Variants in ATIC observed in about 807,000 individuals in gnomAD.
ATIC encodes the protein 5-aminoimidazole-4-carboxamide ribonucleotide formyltransferase/IMP cyclohydrolase.
ATIC carries 64 observed loss-of-function variants against 72.5 expected under a neutral mutation model. That is an observed-to-expected ratio of 0.88 (90% CI 0.72 to 1.09). The LOEUF (loss-of-function observed/expected upper bound fraction) is 1.09, where lower values mean the gene tolerates loss of function less well. Ranked by LOEUF, ATIC falls within the 50% of genes least tolerant of loss-of-function variation. ATIC has a pLI of 0.00. For missense variants in ATIC, 787 were observed against 732.4 expected (o/e 1.07, Z -0.86); for synonymous variants, 281 against 267.1 (o/e 1.05, Z -0.51).
At chr2:215,351,717 C>G (rs1264246633), downstream of ATIC, among the ~76,000 whole-genome samples, 1 of 152,188 alleles carries the variant, frequency 6.6e-6, no homozygotes, top group Non-Finnish European at 1.5e-5. Context: ...TACATCAATA[C>G]TCTACTGAGG....
chr2:215,349,896 GC>G, downstream of ATIC: 1 of 622,800 alleles, frequency 1.6e-6, no homozygotes, highest in Non-Finnish European at 2.7e-6. Context: ...CCACAGCACT[GC>G]CCGTGTGAAA....
At chr2:215,348,051 A>G (rs2053090609) in intron 14 of ATIC, among the ~76,000 whole-genome samples, 2 of 152,138 alleles carry the variant, frequency 1.3e-5, no homozygotes, top group Admixed American at 1.3e-4. Flanking sequence ...CAGAAGGGGC[A>G]TACTTCCCCT....
chr2:215,312,623 A>G lies in ATIC; in HGVS notation c.145A>G (p.Arg49Gly), dbSNP rs1471758331. 6.2e-7 allele frequency: 1 copy of G among 1,614,106 alleles called. No homozygotes were observed. Among genetic ancestry groups the G allele is most frequent in the Admixed American group, 1.7e-5 (1 of 60,006 alleles). ...KALRDAGLAV[R>G]DVSELTGFPE... ...TCTCAGGGATGCTGGTCTGGCAGTC[A>G]GGTAAGGCATAGCTAGTTCCATCAG... The change falls in exon 2 of 16, where the codon AGA (arginine) becomes GGA (glycine). Residue 49 changes from arginine (R) to glycine (G), a missense_variant and splice_region_variant. Physicochemically the swap from Arg to Gly is moderately radical, Grantham distance 125. Transcript: ENST00000236959.
At position 215,318,326 on chromosome 2, in the gene ATIC, C is replaced by T. The variant is rs1019744371; in HGVS notation, c.223+93C>T. On this transcript the variant is annotated intron_variant, in intron 3 of 15. Coordinates refer to ENST00000236959, the MANE Select transcript of ATIC (RefSeq NM_004044.7). ...CCTAAAATAAAGGAAGAAAAAGGCT[C>T]AAGAGAAATTTACATATAAAGTTAA... 140 of 1,209,638 alleles carry T rather than the reference C, an allele frequency of 1.2e-4. 1 individual carries two copies. The Middle Eastern group carries it at 2.1e-3, about 18-fold the overall frequency. 74.9% of individuals were successfully genotyped at this position (1,209,638 alleles called of 1,614,324 possible).
chr2:215,313,553 G>T (rs1559264556), intron 2 of ATIC, among the ~76,000 whole-genome samples: 1 of 152,136 alleles, frequency 6.6e-6, no homozygotes, highest in African/African-American at 2.4e-5. Flanking sequence ...GTGAGAGTTG[G>T]GAGGAACGAG....
At chr2:215,365,055 G>A in the ATIC span, 2 of 1,004,318 alleles carry the variant, frequency 2.0e-6, no homozygotes, top group Non-Finnish European at 3.0e-6. Flanking sequence ...CTAGGGGTGG[G>A]TTCTATTTCT....
Position 215,312,606 on chromosome 2 carries a change from A to G in ATIC, c.128A>G (p.Asp43Gly), listed in dbSNP as rs766333390. ...ASGGTAKALR[D>G]AGLAVRDVSE... is the part of the protein sequence containing the mutation. ...GGAGGGACTGCAAAAGCTCTCAGGG[A>G]TGCTGGTCTGGCAGTCAGGTAAGGC... is the stretch of plus-strand genomic sequence containing the variant. Residue 43 changes from aspartate (D) to glycine (G), a missense_variant, in exon 2 of 16, where the codon GAT becomes GGT. Physicochemically the swap from Asp to Gly is moderately conservative, Grantham distance 94. Coordinates refer to ENST00000236959, the MANE Select transcript of ATIC (RefSeq NM_004044.7). 6.2e-7 allele frequency: 1 copy of G among 1,614,158 alleles called. No homozygotes were observed. Among genetic ancestry groups the G allele is most frequent in the Admixed American group, 1.7e-5 (1 of 60,018 alleles).
the ATIC span, among the ~76,000 whole-genome samples, chr2:215,367,250 C>T: frequency 6.6e-6 from 1 of 152,168 alleles, no homozygotes; most frequent in Non-Finnish European, 1.5e-5. Context: ...CACATTTTAA[C>T]TTAAAAAATT....
chr2:215,326,166 G>A (rs1280725512), intron 6 of ATIC, 28 bp downstream of exon 6: 10 of 1,613,138 alleles, frequency 6.2e-6, no homozygotes, highest in Non-Finnish European at 8.5e-6. Flanking sequence ...GATATTGTAA[G>A]TTACATCCAT....
Position 215,332,273 on chromosome 2 carries a change from T to C in ATIC, c.689-109T>C. ...TGTTTGTGTGTATCTGTTTGGCTCT[T>C]AATTATACTTAAAACATTTGTTTAG... On this transcript the variant is annotated intron_variant, in intron 7 of 15. Coordinates refer to ENST00000236959, the MANE Select transcript of ATIC (RefSeq NM_004044.7). 2.0e-6 allele frequency: 3 copies of C among 1,479,832 alleles called. No homozygotes were observed. The East Asian group carries it at 6.8e-5, about 34-fold the overall frequency. The allele number at this position is 1,479,832 out of a possible 1,614,324, so 91.7% of individuals were successfully genotyped here. A position where few individuals can be genotyped will look rare whatever the true frequency, so the allele number is the denominator to read the frequency against.
chr2:215,324,476 G>A (rs186466373), intron 4 of ATIC, among the ~76,000 whole-genome samples: 1 of 152,254 alleles, frequency 6.6e-6, no homozygotes, highest in African/African-American at 2.4e-5. Context: ...CTGGTCTCTA[G>A]TTTTCTTGTG....
intron 1 of ATIC, 65 bp downstream of exon 1, chr2:215,312,226 G>C: frequency 6.9e-7 from 1 of 1,450,806 alleles, no homozygotes; most frequent in Admixed American, 2.7e-5. Context: ...TCCCGCCTTG[G>C]CGGCGGCCGG....
At chr2:215,337,106 T>A (rs1429658814) in intron 11 of ATIC, among the ~76,000 whole-genome samples, 2 of 151,750 alleles carry the variant, frequency 1.3e-5, no homozygotes, top group African/African-American at 2.4e-5. Context: ...TTTTAACTGA[T>A]TTTTATGAGC....
chr2:215,361,156 G>A, the ATIC span: 3 of 221,054 alleles, frequency 1.4e-5, no homozygotes, highest in African/African-American at 4.6e-5. Context: ...ACAGTATTGC[G>A]GGCCAGACAC....
chr2:215,333,590 T>C (rs1338975926), intron 9 of ATIC, 133 bp downstream of exon 9: 119 of 585,496 alleles, frequency 2.0e-4, no homozygotes, highest in Non-Finnish European at 2.6e-4. Context: ...ATTAAGGACT[T>C]CTATCTCTAT....
At chr2:215,367,743 CTT>C in the ATIC span, 8 of 970,390 alleles carry the variant, frequency 8.2e-6, no homozygotes, top group Non-Finnish European at 1.3e-5. Context: ...ACAGTATTCT[CTT>C]GTTTGCTTCA....
At chr2:215,331,827 T>A (rs1175016937) in intron 7 of ATIC, among the ~76,000 whole-genome samples, 1 of 152,232 alleles carries the variant, frequency 6.6e-6, no homozygotes, top group Admixed American at 6.5e-5. Context: ...TGCAGTCTCC[T>A]TTTAACTACA....
At position 215,346,969 on chromosome 2, in the gene ATIC, C is replaced by G. The variant is rs776094827; in HGVS notation, c.1503+28C>G. On this transcript the variant is annotated intron_variant, in intron 14 of 15. Coordinates refer to ENST00000236959, the MANE Select transcript of ATIC (RefSeq NM_004044.7). ...GAAAGACTTGGCATTGGGTTCTCGGCTGTGTTAATATTCAGTTCAACCCTT... is the reference window on the plus strand; with the variant it reads ...GAAAGACTTGGCATTGGGTTCTCGGGTGTGTTAATATTCAGTTCAACCCTT... 1.2e-5 allele frequency: 20 copies of G among 1,611,746 alleles called. No homozygotes were observed. In the African/African-American group the frequency reaches 2.3e-4, roughly 18 times the overall value.
intron 7 of ATIC, among the ~76,000 whole-genome samples, chr2:215,328,950 C>T (rs979789372): frequency 3.3e-5 from 5 of 152,130 alleles, no homozygotes; most frequent in African/African-American, 1.2e-4. Flanking sequence ...CTCCTGACCT[C>T]AGGTGATCTG....
Sources: allele counts gnomAD v4.1 joint callset (sites outside exome capture counted in the v4.1 genomes callset), GRCh38; gene constraint gnomAD v4.1.1; transcripts MANE v1.5; gene names NCBI Gene and HGNC (gene_info 2026-07-23, HGNC 2026-07-21).